SLC15A1: variants seen among roughly 807,000 people sequenced by gnomAD.
SLC15A1 encodes the protein solute carrier family 15 member 1.
SLC15A1 carries 83 observed loss-of-function variants against 92.9 expected under a neutral mutation model. The observed-to-expected ratio is 0.89, with a 90% CI of 0.75 to 1.07. The LOEUF is 1.07. SLC15A1 is among the 50% of genes least tolerant of loss of function. SLC15A1 has a pLI of 0.00. For missense variants in SLC15A1, 857 were observed against 880.1 expected, an observed-to-expected ratio of 0.97 and a Z score of 0.33; for synonymous variants, 322 against 318.2, an observed-to-expected ratio of 1.01 and a Z score of -0.13.
At chr13:98,699,582 T>C (rs1202379246) in intron 18 of SLC15A1, among the ~76,000 whole-genome samples, 4 of 152,202 alleles carry the variant, frequency 2.6e-5, no homozygotes, top group Non-Finnish European at 5.9e-5. Flanking sequence ...TAAACATTCA[T>C]GTGTGGGCTT....
intron 18 of SLC15A1, among the ~76,000 whole-genome samples, chr13:98,700,872 A>G (rs2088061567): frequency 6.6e-6 from 1 of 152,104 alleles, no homozygotes; most frequent in Non-Finnish European, 1.5e-5. Flanking sequence ...TTGGGTCTGG[A>G]TTATTCATTC....
intron 18 of SLC15A1, 126 bp downstream of exon 18, chr13:98,702,354 C>T (rs1048478437): frequency 4.1e-6 from 3 of 733,304 alleles, no homozygotes; most frequent in African/African-American, 3.6e-5. Context: ...ATTCAGCCAG[C>T]CTTACATTGC....
chr13:98,708,703 C>A lies in SLC15A1; in HGVS notation c.1132G>T (p.Val378Leu), dbSNP rs151053191. The change falls in exon 15 of 23, where the codon GTG (valine) becomes TTG (leucine). Residue 378 changes from valine to leucine, a missense_variant. Physicochemically the swap from Val to Leu is conservative, Grantham distance 32. Transcript: ENST00000376503. ...ASMAFVVAAIVQVEIDKTLPV... is the reference protein window; with the variant it reads ...ASMAFVVAAILQVEIDKTLPV... ...CAACTCACATCGATTTCCACCTGCA[C>A]GATGGCAGCCACCACAAAGGCCATG... 1 of 1,613,326 alleles carries A rather than the reference C, an allele frequency of 6.2e-7. No individual in the cohort carries two copies. The highest frequency in any genetic ancestry group is 1.7e-5 in the Admixed American group (1 of 59,856).
In SLC15A1 at chr13:98,706,219, A is replaced by T. The variant is rs2088111884; in HGVS notation, c.1184T>A (p.Val395Asp). The part of the protein sequence containing the change: ...TLPVFPKGNE[V>D]QIKVLNIGNN... ...TCCTATATTCAAAACTTTAATTTGGACTTCGTTTCCTTTGGGGAAGACTGG... is the reference window on the plus strand; with the variant it reads ...TCCTATATTCAAAACTTTAATTTGGTCTTCGTTTCCTTTGGGGAAGACTGG... Residue 395 changes from valine (V) to aspartate (D), a missense_variant, in exon 16 of 23, where the codon GTC (valine) becomes GAC (aspartate). Transcript: ENST00000376503. 6.2e-7 allele frequency: 1 copy of T among 1,613,530 alleles called. No individual in the cohort carries two copies. The highest frequency in any genetic ancestry group is 8.5e-7 in the Non-Finnish European group (1 of 1,179,816).
Position 98,721,596 on chromosome 13 carries a change from A to G in SLC15A1, c.466-11T>C. ...GTTTCTTTGTTTCTCCTGCAATGAA[A>G]AGGAGAAAGTAAGATGACTTTGGCT... is the stretch of plus-strand genomic sequence containing the variant. On this transcript the variant is annotated splice_polypyrimidine_tract_variant and intron_variant, in intron 6 of 22. Transcript: ENST00000376503. 1 of 1,571,860 alleles carries G rather than the reference A, an allele frequency of 6.4e-7. No individual in the cohort carries two copies.
intron 18 of SLC15A1, among the ~76,000 whole-genome samples, chr13:98,691,661 T>G (rs1259096276): frequency 1.3e-5 from 2 of 152,232 alleles, no homozygotes; most frequent in Non-Finnish European, 2.9e-5. Context: ...CTGAAAAGGA[T>G]GCAGATTTGC....
chr13:98,726,645 G>A (rs1039057108), intron 2 of SLC15A1, 196 bp from the exon 3 acceptor site: 54 of 739,168 alleles, frequency 7.3e-5, no homozygotes, highest in Non-Finnish European at 1.2e-4. Flanking sequence ...ATGAAATAAA[G>A]CATCCAGTGG....
intron 8 of SLC15A1, among the ~76,000 whole-genome samples, chr13:98,717,645 T>C (rs1472422274): frequency 6.6e-6 from 1 of 152,000 alleles, no homozygotes; most frequent in Non-Finnish European, 1.5e-5. Flanking sequence ...GGAAGAACCA[T>C]GGAAGAAAAG....
intron 14 of SLC15A1, among the ~76,000 whole-genome samples, chr13:98,709,293 A>G (rs1025680472): frequency 6.6e-6 from 1 of 152,132 alleles, no homozygotes; most frequent in African/African-American, 2.4e-5. Flanking sequence ...AATTTCTAGA[A>G]ACTATGGTTC....
In SLC15A1 at chr13:98,686,206, C is replaced by A. The variant is rs531147633; in HGVS notation, c.1919G>T (p.Gly640Val). Reference sequence around the variant, plus strand: ...ACGCCATACCTGTTTGCTGAACTGGCCTGCCCCTGCCACGATGAGCACAAT... The same window carrying A: ...ACGCCATACCTGTTTGCTGAACTGGACTGCCCCTGCCACGATGAGCACAAT... ...NIIVLIVAGA[G>V]QFSKQWAEYI... The change falls in exon 22 of 23, where the codon GGC becomes GTC. Residue 640 changes from glycine to valine, a missense_variant. Physicochemically the swap from Gly to Val is moderately radical, Grantham distance 109 (BLOSUM62 -3). Coordinates refer to ENST00000376503, the MANE Select transcript of SLC15A1 (RefSeq NM_005073.4). The A allele has an allele frequency of 1.2e-6, 2 of 1,613,438 alleles. No homozygotes were observed. The highest frequency in any genetic ancestry group is 1.1e-5 in the South Asian group (1 of 90,898).
At chr13:98,702,196 T>C (rs966894545) in intron 18 of SLC15A1, among the ~76,000 whole-genome samples, 2 of 152,214 alleles carry the variant, frequency 1.3e-5, no homozygotes, top group Non-Finnish European at 2.9e-5. Flanking sequence ...GGAAGTTCCC[T>C]TCTATTCCCA....
chr13:98,733,459 C>T lies in SLC15A1; in HGVS notation c.5-6600G>A, dbSNP rs556015448. Among the ~76,000 whole-genome samples the T allele has an allele frequency of 7.2e-5, 11 of 152,292 alleles. No homozygotes were observed. The South Asian group carries it at 8.3e-4, about 11-fold the overall frequency. ...TTGGAGCTTAGAAGTGCATACCTGG[C>T]ACCTGGCTTTTAAACTGGATTTGGC... On this transcript the variant is annotated intron_variant, in intron 1 of 22. Transcript: ENST00000376503.
intron 1 of SLC15A1, among the ~76,000 whole-genome samples, chr13:98,731,918 G>C (rs964083133): frequency 6.6e-6 from 1 of 152,132 alleles, no homozygotes; most frequent in Non-Finnish European, 1.5e-5. Flanking sequence ...TACCAAGAAG[G>C]CATTTTGTTT....
intron 22 of SLC15A1, among the ~76,000 whole-genome samples, chr13:98,685,463 G>T (rs1050933999): frequency 7.9e-5 from 12 of 152,198 alleles, no homozygotes; most frequent in African/African-American, 2.7e-4. Flanking sequence ...TATCAGTAGA[G>T]CCCTCATTTA....
At chr13:98,749,637 G>A (rs1327926744) in intron 1 of SLC15A1, among the ~76,000 whole-genome samples, 3 of 152,070 alleles carry the variant, frequency 2.0e-5, no homozygotes, top group African/African-American at 7.2e-5. Flanking sequence ...TTCAGAGACT[G>A]AATTCAACCT....
rs753463736 is a variant in SLC15A1 at position 98,712,488 on chromosome 13, C to T, written c.810+10G>A. On this transcript the variant is annotated intron_variant, in intron 10 of 22. Transcript: ENST00000376503. ...GAATCAGGGTCATTGTAGCAATGAC[C>T]GTTACTTACATCGTATTTCTCTTTA... 1.3e-5 allele frequency: 21 copies of T among 1,598,112 alleles called. No homozygotes were observed. The highest frequency in any genetic ancestry group is 1.7e-4 in the Middle Eastern group (1 of 6,046).
At position 98,734,497 on chromosome 13, in the gene SLC15A1, A is replaced by C. The variant is rs138225602; in HGVS notation, c.5-7638T>G. The stretch of plus-strand genomic sequence containing the variant: ...TGGAGCATCGCCTTACCTGGTAAGC[A>C]CAAGGGGTCGGGTCAGGGGATTTCC... On this transcript the variant is annotated intron_variant, in intron 1 of 22. Transcript: ENST00000376503. 2.0e-5 allele frequency among the ~76,000 whole-genome samples: 3 copies of C among 152,254 alleles called. No homozygotes were observed. In the East Asian group the frequency reaches 5.8e-4, roughly 29 times the overall value.
intron 1 of SLC15A1, among the ~76,000 whole-genome samples, chr13:98,747,506 C>T (rs762273027): frequency 6.6e-6 from 1 of 152,138 alleles, no homozygotes; most frequent in Non-Finnish European, 1.5e-5. Flanking sequence ...CCTGGTAGCT[C>T]AACTAGCCCA....
intron 18 of SLC15A1, among the ~76,000 whole-genome samples, chr13:98,701,185 G>T (rs9584911): frequency 0.2 from 30,045 of 152,054 alleles, 4,735 homozygotes; most frequent in African/African-American, 0.44. Flanking sequence ...TCTCCATTTA[G>T]TTAGCTTTTC....
Sources: allele counts gnomAD v4.1 joint callset (sites outside exome capture counted in the v4.1 genomes callset), GRCh38; gene constraint gnomAD v4.1.1; transcripts MANE v1.5; gene names NCBI Gene and HGNC (gene_info 2026-07-23, HGNC 2026-07-21).